Variants in CEP192 observed in about 807,000 individuals in gnomAD.
CEP192 encodes centrosomal protein 192.
In CEP192, 151 loss-of-function variants were observed where a neutral mutation model predicts 271.8. The ratio of observed to expected loss-of-function variants is 0.56; its 90% CI spans 0.49 to 0.64. CEP192 has a LOEUF of 0.64. Ranked by LOEUF, CEP192 falls within the 30% of genes least tolerant of loss-of-function variation. CEP192 has a pLI of 0.00. For missense variants in CEP192, 2,910 were observed against 3,020.5 expected (o/e 0.96, Z 0.86); for synonymous variants, 995 against 1,076.5 (o/e 0.92, Z 1.48).
In CEP192 at chr18:13,069,780, C is replaced by G; in HGVS notation, c.5098C>G (p.Leu1700Val). The G allele has an allele frequency of 6.2e-7, 1 of 1,600,052 alleles. No homozygotes were observed. The change falls in exon 27 of 45, where the codon CTA (leucine) becomes GTA (valine). Residue 1700 changes from leucine (L) to valine (V), a missense_variant. By Grantham distance (32) the Leu-to-Val change is conservative (BLOSUM62 1). Transcript: ENST00000506447. ...TCACTTTTCAGTGGATCCAAAGAAT[C>G]TACTCCTTAAACCTGGAGAAGAACA... is the stretch of plus-strand genomic sequence containing the variant. The part of the protein sequence containing the change: ...GSHFSVDPKN[L>V]LLKPGEEHEV...
At chr18:13,113,494 T>G (rs2040298511) in intron 40 of CEP192, 92 bp from the exon 41 acceptor site, 1 of 1,304,936 alleles carries the variant, frequency 7.7e-7, no homozygotes, top group Admixed American at 2.2e-5. Flanking sequence ...GTTCCTTTAA[T>G]TTTTTTCATA....
At chr18:13,113,125 T>C (rs2040278266) in intron 40 of CEP192, among the ~76,000 whole-genome samples, 1 of 152,316 alleles carries the variant, frequency 6.6e-6, no homozygotes, top group South Asian at 2.1e-4. Flanking sequence ...GGCGCTTGTC[T>C]TGTTCTGCCT....
Position 13,049,894 on chromosome 18 carries a change from A to G in CEP192, c.3017+3A>G. ...ATTTCTGGAACGAGTTCATCAGGGT[A>G]AGTGTGTACCTTCTTTTTTAAAAAA... On this transcript the variant is annotated splice_donor_region_variant and intron_variant, in intron 17 of 44. Coordinates refer to ENST00000506447, the MANE Select transcript of CEP192 (RefSeq NM_032142.4). The G allele has an allele frequency of 6.2e-7, 1 of 1,612,004 alleles. No homozygotes were observed. The highest frequency in any genetic ancestry group is 8.5e-7 in the Non-Finnish European group (1 of 1,179,210).
chr18:13,077,717 A>C (rs1322465900), intron 30 of CEP192, among the ~76,000 whole-genome samples: 1 of 152,148 alleles, frequency 6.6e-6, no homozygotes, highest in African/African-American at 2.4e-5. Context: ...TCCCTTTTGC[A>C]TGCTTTTCTC....
At chr18:13,089,993 G>A (rs1316379603) in intron 33 of CEP192, among the ~76,000 whole-genome samples, 1 of 152,130 alleles carries the variant, frequency 6.6e-6, no homozygotes, top group African/African-American at 2.4e-5. Flanking sequence ...CGTGCCTATT[G>A]TAAGATTTAT....
intron 30 of CEP192, among the ~76,000 whole-genome samples, chr18:13,078,169 A>G (rs1259012127): frequency 6.6e-6 from 1 of 152,080 alleles, no homozygotes; most frequent in Non-Finnish European, 1.5e-5. Context: ...CCCATTTATG[A>G]GTGAGAACAT....
At position 13,067,865 on chromosome 18, in the gene CEP192, G is replaced by T. The variant is rs145781400; in HGVS notation, c.4523G>T (p.Gly1508Val). ...ETEKKDVLDFGDLTYGGWKAL... is the reference protein window; with the variant it reads ...ETEKKDVLDFVDLTYGGWKAL... ...GAAAAGAAAGACGTTCTTGATTTTGGTGACTTGACTTATGGAGGCTGGAAA... is the reference window on the plus strand; with the variant it reads ...GAAAAGAAAGACGTTCTTGATTTTGTTGACTTGACTTATGGAGGCTGGAAA... Residue 1508 changes from glycine (G) to valine (V), a missense_variant, in exon 22 of 45, where the codon GGT (glycine) becomes GTT (valine). Gly to Val is a moderately radical substitution (Grantham distance 109). Transcript: ENST00000506447. 6 of 1,612,046 alleles carry T rather than the reference G, an allele frequency of 3.7e-6. No individual in the cohort carries two copies. Among genetic ancestry groups the T allele is most frequent in the Non-Finnish European group, 5.1e-6 (6 of 1,178,506 alleles).
chr18:13,088,041 G>A (rs1025276415), intron 32 of CEP192, among the ~76,000 whole-genome samples: 2 of 152,216 alleles, frequency 1.3e-5, no homozygotes, highest in Admixed American at 6.5e-5. Context: ...TGACTAGTTA[G>A]TAATATTTCT....
intron 14 of CEP192, 33 bp downstream of exon 14, chr18:13,040,989 C>CT (rs747431646): frequency 2.8e-5 from 44 of 1,572,256 alleles, no homozygotes; most frequent in East Asian, 1.1e-4. Context: ...TTTTAGGAAT[C>CT]TTTTTTTTCT....
intron 44 of CEP192, among the ~76,000 whole-genome samples, chr18:13,121,108 C>CT (rs1451273021): frequency 6.6e-6 from 1 of 152,186 alleles, no homozygotes; most frequent in African/African-American, 2.4e-5. Context: ...GACACTGTGA[C>CT]TTTAGACAAA....
At position 13,073,167 on chromosome 18, in the gene CEP192, A is replaced by G; in HGVS notation, c.5598A>G (p.Gln1866=). 6.2e-7 allele frequency: 1 copy of G among 1,609,886 alleles called. No individual in the cohort carries two copies. The highest frequency in any genetic ancestry group is 8.5e-7 in the Non-Finnish European group (1 of 1,178,768). Residue 1866 remains glutamine (Q), a synonymous_variant, in exon 30 of 45, where the codon CAA becomes CAG. Transcript: ENST00000506447. ...TCAAACAACTTGGAAATCGATCACAACCAGGCATTAAGTTCACAGTAAGAT... is the reference window on the plus strand; with the variant it reads ...TCAAACAACTTGGAAATCGATCACAGCCAGGCATTAAGTTCACAGTAAGAT... The part of the protein sequence containing the change: ...LEIKQLGNRS[Q]PGIKFTIPLS...
intron 36 of CEP192, among the ~76,000 whole-genome samples, chr18:13,098,315 G>A (rs868467423): frequency 4.0e-5 from 6 of 151,802 alleles, no homozygotes; most frequent in African/African-American, 9.7e-5. Context: ...CTGGCCTGGC[G>A]GGGGCTGACC....
intron 4 of CEP192, among the ~76,000 whole-genome samples, chr18:13,010,283 A>G (rs1395919073): frequency 6.6e-6 from 1 of 152,214 alleles, no homozygotes; most frequent in Non-Finnish European, 1.5e-5. Flanking sequence ...AGTACATTCT[A>G]TGCACTTATA....
At position 13,116,518 on chromosome 18, in the gene CEP192, T is replaced by C. The variant is rs374366300; in HGVS notation, c.7416+15T>C. On this transcript the variant is annotated intron_variant, in intron 43 of 44. Transcript: ENST00000506447. ...TTACACACTCAGTAAGTTGGAAATA[T>C]TACTATGGGTTTTGGAAAAATACAT... 102 of 1,579,722 alleles carry C rather than the reference T, an allele frequency of 6.5e-5. No homozygotes were observed. Among genetic ancestry groups the C allele is most frequent in the Non-Finnish European group, 8.0e-5 (93 of 1,164,368 alleles).
At chr18:13,042,579 T>G (rs986258669) in intron 15 of CEP192, among the ~76,000 whole-genome samples, 2 of 152,242 alleles carry the variant, frequency 1.3e-5, no homozygotes, top group African/African-American at 4.8e-5. Context: ...CATACACTTG[T>G]GTATACCTCA....
At chr18:13,095,740 C>T in intron 35 of CEP192, 59 bp downstream of exon 35, 2 of 1,434,850 alleles carry the variant, frequency 1.4e-6, no homozygotes, top group Non-Finnish European at 1.9e-6. Context: ...CCTGCACTCC[C>T]ATTGTGCCCA....
intron 3 of CEP192, among the ~76,000 whole-genome samples, chr18:13,003,451 G>GAAAAAAA (rs545191456): frequency 9.9e-6 from 1 of 101,502 alleles, no homozygotes; most frequent in Non-Finnish European, 2.0e-5. Context: ...TCTGTCTCAA[G>GAAAAAAA]AAAAAAAAAA....
chr18:13,073,258 A>G, intron 30 of CEP192, 73 bp downstream of exon 30: 1 of 1,287,796 alleles, frequency 7.8e-7, no homozygotes, highest in South Asian at 1.4e-5. Context: ...TAATGTTGTA[A>G]ATTATACAGT....
chr18:13,072,145 C>A (rs1195028291), intron 28 of CEP192, among the ~76,000 whole-genome samples: 1 of 152,162 alleles, frequency 6.6e-6, no homozygotes, highest in Non-Finnish European at 1.5e-5. Context: ...AGCTGCTGAT[C>A]TTCCCCAAAT....
Sources: allele counts gnomAD v4.1 joint callset (sites outside exome capture counted in the v4.1 genomes callset), GRCh38; gene constraint gnomAD v4.1.1; transcripts MANE v1.5; gene names NCBI Gene and HGNC (gene_info 2026-07-23, HGNC 2026-07-21).